The following ACBD6 variants were observed in gnomAD, a reference collection of about 807,000 sequenced individuals.
ACBD6 encodes acyl-CoA-binding domain-containing protein 6.
In ACBD6, 28 loss-of-function variants were observed where a neutral mutation model predicts 37.2. The observed-to-expected ratio is 0.75, with a 90% CI of 0.56 to 1.03. The LOEUF (loss-of-function observed/expected upper bound fraction) is 1.03, where lower values mean the gene tolerates loss of function less well. Ranked by LOEUF, ACBD6 falls within the 50% of genes least tolerant of loss-of-function variation. ACBD6 has a pLI of 0.00. For missense variants in ACBD6, 340 were observed against 337.4 expected (o/e 1.01, Z -0.06); for synonymous variants, 113 against 126.8 (o/e 0.89, Z 0.73).
intron 5 of ACBD6, 138 bp from the exon 6 acceptor site, chr1:180,397,743 T>C (rs1654316798): frequency 1.3e-6 from 1 of 795,636 alleles, no homozygotes; most frequent in South Asian, 1.5e-5. Context: ...AAAAATGCAC[T>C]ATGGAAAAAG....
intron 3 of ACBD6, 62 bp downstream of exon 3, chr1:180,492,207 A>G (rs1268578685): frequency 2.4e-6 from 3 of 1,247,268 alleles, no homozygotes; most frequent in South Asian, 1.2e-5. Context: ...AGTTTTAGAC[A>G]TTTATTTCAG....
At position 180,311,126 on chromosome 1, in the gene ACBD6, A is replaced by G. The variant is rs1650574375; in HGVS notation, c.694+3566T>C. On this transcript the variant is annotated intron_variant, in intron 7 of 7. Coordinates refer to ENST00000367595, the MANE Select transcript of ACBD6 (RefSeq NM_032360.4). The stretch of plus-strand genomic sequence containing the variant: ...ATAATAAACATAATACCTCCTCCTG[A>G]GCAAAGGTTTGCTTGCAACCCATTA... Among the ~76,000 whole-genome samples, 5 of 152,192 alleles carry G rather than the reference A, an allele frequency of 3.3e-5. No homozygotes were observed. In the South Asian group the frequency reaches 1.0e-3, roughly 31 times the overall value.
Position 180,502,138 on chromosome 1 carries a change from G to C in ACBD6, c.129C>G (p.Ala43=), listed in dbSNP as rs779922840. The C allele has an allele frequency of 8.7e-6, 14 of 1,613,910 alleles. No individual in the cohort carries two copies. The highest frequency in any genetic ancestry group is 8.3e-5 in the Admixed American group (5 of 60,000). The change falls in exon 1 of 8, where the codon GCC becomes GCG. Residue 43 remains alanine, a synonymous_variant. Transcript: ENST00000367595. The stretch of plus-strand genomic sequence containing the variant: ...GCGCGGCAGCCTTCTCAAACAGCTC[G>C]GCCAGGCAACTGGTCTCCTCGATCT... ...SPEIEETSCL[A]ELFEKAAAHL... is the part of the protein sequence containing the mutation.
chr1:180,310,707 T>C (rs1387146235), intron 7 of ACBD6, among the ~76,000 whole-genome samples: 1 of 152,102 alleles, frequency 6.6e-6, no homozygotes, highest in African/African-American at 2.4e-5. Context: ...GGTTGTAGAG[T>C]ATGTGTACCT....
At position 180,495,506 on chromosome 1, in the gene ACBD6, T is replaced by G. The variant is rs375543733; in HGVS notation, c.242A>C (p.Asn81Thr). Residue 81 changes from asparagine to threonine, a missense_variant, in exon 2 of 8, where the codon AAT (asparagine) becomes ACT (threonine). Physicochemically the swap from Asn to Thr is moderately conservative, Grantham distance 65. Transcript: ENST00000367595. ...RYKQVKVGNC[N>T]TPKPSFFDFE... Reference sequence around the variant, plus strand: ...ATCAAAGAAGCTTGGTTTAGGAGTATTACAATTTCCAACTTTGACCTAAAT... The same window carrying G: ...ATCAAAGAAGCTTGGTTTAGGAGTAGTACAATTTCCAACTTTGACCTAAAT... The G allele has an allele frequency of 2.9e-5, 46 of 1,611,124 alleles. No homozygotes were observed. Among genetic ancestry groups the G allele is most frequent in the Non-Finnish European group, 3.8e-5 (45 of 1,178,354 alleles).
intron 6 of ACBD6, among the ~76,000 whole-genome samples, chr1:180,353,667 T>C (rs1256063626): frequency 2.0e-5 from 3 of 150,298 alleles, no homozygotes; most frequent in Admixed American, 6.7e-5. Flanking sequence ...CCATAATCTA[T>C]ATTAAAAATT....
chr1:180,417,177 G>A (rs1036869807), intron 4 of ACBD6, among the ~76,000 whole-genome samples: 1 of 152,134 alleles, frequency 6.6e-6, no homozygotes, highest in African/African-American at 2.4e-5. Flanking sequence ...CATTTTAAGT[G>A]ACTCAATTTC....
At chr1:180,382,425 A>C (rs533565608) in intron 6 of ACBD6, among the ~76,000 whole-genome samples, 1 of 152,138 alleles carries the variant, frequency 6.6e-6, no homozygotes, top group African/African-American at 2.4e-5. Context: ...ATTATGAACA[A>C]TTACACAATA....
Position 180,502,455 on chromosome 1 carries a change from G to C in ACBD6, c.-189C>G. 1.5e-6 allele frequency: 1 copy of C among 669,436 alleles called. No homozygotes were observed. Among genetic ancestry groups the C allele is most frequent in the Non-Finnish European group, 2.6e-6 (1 of 378,078 alleles). 41.5% of individuals were successfully genotyped at this position (669,436 alleles called of 1,614,324 possible). A position where few individuals can be genotyped will look rare whatever the true frequency, so the allele number is the denominator to read the frequency against. Reference sequence around the variant, plus strand: ...CACTTCTACTCCCTGGGCGTGCAGAGCAGGCTCCTCGACCCTCTGCCGCTC... The same window carrying C: ...CACTTCTACTCCCTGGGCGTGCAGACCAGGCTCCTCGACCCTCTGCCGCTC... On this transcript the variant is annotated 5_prime_UTR_variant, in exon 1 of 8. Coordinates refer to ENST00000367595, the MANE Select transcript of ACBD6 (RefSeq NM_032360.4).
At position 180,448,561 on chromosome 1, in the gene ACBD6, T is replaced by A. The variant is rs78676246; in HGVS notation, c.385-18299A>T. On this transcript the variant is annotated intron_variant, in intron 3 of 7. Coordinates refer to ENST00000367595, the MANE Select transcript of ACBD6 (RefSeq NM_032360.4). ...TGATTTTGATTAAATTCCTAGTAGA[T>A]TGCTCTTAGTATGAAGCTTTATACT... 6.4e-4 allele frequency among the ~76,000 whole-genome samples: 97 copies of A among 152,256 alleles called. 1 individual carries two copies. Among genetic ancestry groups the A allele is most frequent in the Non-Finnish European group, 6.8e-4 (46 of 67,994 alleles).
At position 180,502,215 on chromosome 1, in the gene ACBD6, C is replaced by G. The variant is rs1264465384; in HGVS notation, c.52G>C (p.Glu18Gln). 3 of 1,613,966 alleles carry G rather than the reference C, an allele frequency of 1.9e-6. No homozygotes were observed. The highest frequency in any genetic ancestry group is 2.5e-6 in the Non-Finnish European group (3 of 1,180,044). Residue 18 changes from glutamate (E) to glutamine (Q), a missense_variant, in exon 1 of 8, where the codon GAG (glutamate) becomes CAG (glutamine). Physicochemically the swap from Glu to Gln is conservative, Grantham distance 29. Coordinates refer to ENST00000367595, the MANE Select transcript of ACBD6 (RefSeq NM_032360.4). ...CCGGAGTCGTCCCCTGAGCTCAGCTCTCCACCGCTGTCGCCGGTGATGGCC... is the reference window on the plus strand; with the variant it reads ...CCGGAGTCGTCCCCTGAGCTCAGCTGTCCACCGCTGTCGCCGGTGATGGCC... ...AGAITGDSGG[E>Q]LSSGDDSGEV...
At chr1:180,271,763 C>T in exon 14 of ACBD6, 1 of 1,567,012 alleles carries the variant, frequency 6.4e-7, no homozygotes. Context: ...CAGCCGCCCG[C>T]CTAGGGGGTC....
intron 6 of ACBD6, among the ~76,000 whole-genome samples, chr1:180,327,015 C>A (rs1249953435): frequency 6.6e-6 from 1 of 152,114 alleles, no homozygotes; most frequent in African/African-American, 2.4e-5. Flanking sequence ...CCCTTTGTTG[C>A]CCTAGCTGAT....
At chr1:180,381,484 C>T (rs1455564984) in intron 6 of ACBD6, among the ~76,000 whole-genome samples, 1 of 152,066 alleles carries the variant, frequency 6.6e-6, no homozygotes, top group Non-Finnish European at 1.5e-5. Flanking sequence ...CAAGTCTCAA[C>T]AAATTTTAAA....
At chr1:180,446,015 T>TG (rs1363931323) in intron 3 of ACBD6, among the ~76,000 whole-genome samples, 7 of 152,030 alleles carry the variant, frequency 4.6e-5, no homozygotes, top group African/African-American at 1.7e-4. Context: ...GTACTTTTTT[T>TG]TGGGGGGGAT....
chr1:180,299,634 G>C (rs1189459712), intron 7 of ACBD6, among the ~76,000 whole-genome samples: 1 of 151,842 alleles, frequency 6.6e-6, no homozygotes, highest in African/African-American at 2.4e-5. Context: ...GGAGGTAACA[G>C]AACAGATGGT....
intron 3 of ACBD6, among the ~76,000 whole-genome samples, chr1:180,432,036 C>T (rs1349058913): frequency 1.3e-5 from 2 of 151,844 alleles, no homozygotes; most frequent in East Asian, 3.9e-4. Context: ...CAAAATACCA[C>T]CTCTACTAAA....
intron 3 of ACBD6, among the ~76,000 whole-genome samples, chr1:180,441,458 T>C (rs1649277304): frequency 1.3e-5 from 2 of 152,214 alleles, no homozygotes; most frequent in African/African-American, 4.8e-5. Flanking sequence ...ATAAATCAGA[T>C]TGACTTGGAC....
chr1:180,295,050 T>C (rs936643938), intron 7 of ACBD6, among the ~76,000 whole-genome samples: 2 of 152,298 alleles, frequency 1.3e-5, no homozygotes, highest in African/African-American at 2.4e-5. Context: ...CTATGTTTTA[T>C]TGATCTTTAC....
Sources: allele counts gnomAD v4.1 joint callset (sites outside exome capture counted in the v4.1 genomes callset), GRCh38; gene constraint gnomAD v4.1.1; transcripts MANE v1.5; gene names NCBI Gene and HGNC (gene_info 2026-07-23, HGNC 2026-07-21).